Variants in CACNG3 observed in about 807,000 individuals in gnomAD.
CACNG3 encodes the protein voltage-dependent calcium channel gamma-3 subunit.
Under a neutral mutation model 28.5 loss-of-function variants are expected in CACNG3, and 3 were observed. That is an observed-to-expected ratio of 0.11 (90% CI 0.05 to 0.27). The LOEUF (loss-of-function observed/expected upper bound fraction) is 0.27. CACNG3 is among the 10% of genes least tolerant of loss of function. CACNG3 has a pLI of 1.00. For synonymous variants in CACNG3, 174 were observed against 162.2 expected (o/e 1.07, Z -0.55); for missense variants, 236 against 414.4 (o/e 0.57, Z 3.74).
intron 1 of CACNG3, among the ~76,000 whole-genome samples, chr16:24,325,856 G>A (rs1217258534): frequency 2.0e-5 from 3 of 152,224 alleles, no homozygotes; most frequent in Admixed American, 6.5e-5. Context: ...CTCTCAGTTT[G>A]TGAGGACTCT....
At chr16:24,318,514 T>G (rs1899417233) in intron 1 of CACNG3, among the ~76,000 whole-genome samples, 1 of 152,166 alleles carries the variant, frequency 6.6e-6, no homozygotes, top group Admixed American at 6.5e-5. Flanking sequence ...TTCGAATGAA[T>G]GAATGAAAAA....
At chr16:24,319,608 A>ATTT (rs76665500) in intron 1 of CACNG3, among the ~76,000 whole-genome samples, 1,578 of 53,264 alleles carry the variant, frequency 0.03, 6 homozygotes, top group African/African-American at 0.037. Context: ...TTATTTATTT[A>ATTT]TTTATTTAAT....
chr16:24,288,105 T>G (rs771103389), intron 1 of CACNG3, among the ~76,000 whole-genome samples: 24 of 152,196 alleles, frequency 1.6e-4, no homozygotes, highest in Admixed American at 5.2e-4. Flanking sequence ...ATAGGCGTAA[T>G]TATTCCCATT....
At chr16:24,359,475 G>A (rs534998324) in intron 3 of CACNG3, among the ~76,000 whole-genome samples, 1 of 152,216 alleles carries the variant, frequency 6.6e-6, no homozygotes, top group Non-Finnish European at 1.5e-5. Context: ...TGTCTGTGCT[G>A]GGTACAGCCA....
chr16:24,281,888 C>G (rs1000869813), intron 1 of CACNG3, among the ~76,000 whole-genome samples: 4 of 152,138 alleles, frequency 2.6e-5, no homozygotes, highest in African/African-American at 7.2e-5. Context: ...TGCCCAGGAC[C>G]GACAGCCAGT....
intron 1 of CACNG3, among the ~76,000 whole-genome samples, chr16:24,280,284 A>C (rs907661880): frequency 1.1e-4 from 16 of 152,148 alleles, no homozygotes; most frequent in Non-Finnish European, 2.2e-4. Context: ...ATAAATGGTG[A>C]CCTTTAGAAT....
At chr16:24,336,017 T>C (rs1406486201) in intron 1 of CACNG3, among the ~76,000 whole-genome samples, 2 of 151,636 alleles carry the variant, frequency 1.3e-5, no homozygotes, top group South Asian at 2.1e-4. Context: ...AATAAATACT[T>C]TTAGAAAAGG....
chr16:24,256,730 G>A lies in CACNG3; in HGVS notation c.-25G>A. The A allele has an allele frequency of 6.5e-7, 1 of 1,536,286 alleles. No individual in the cohort carries two copies. Among genetic ancestry groups the A allele is most frequent in the Admixed American group, 1.7e-5 (1 of 59,938 alleles). ...ACTGACTCTCCCCCTCCAACCCCCA[G>A]CCGTCCAGAGTACCATGAAGAATTA... On this transcript the variant is annotated 5_prime_UTR_variant, in exon 1 of 4. Transcript: ENST00000005284. The surrounding 1 kb of genome is among the most constrained non-coding windows in gnomAD (Gnocchi z 4.6).
At chr16:24,289,099 G>T (rs897338697) in intron 1 of CACNG3, among the ~76,000 whole-genome samples, 1 of 152,080 alleles carries the variant, frequency 6.6e-6, no homozygotes, top group Admixed American at 6.5e-5. Flanking sequence ...TAAGGAAACC[G>T]CATGTCTACA....
intron 3 of CACNG3, 81 bp downstream of exon 3, chr16:24,355,054 A>G: frequency 7.2e-7 from 1 of 1,385,024 alleles, no homozygotes; most frequent in Non-Finnish European, 1.0e-6. Context: ...AATGCTACTC[A>G]GGGCTCCCTC....
intron 3 of CACNG3, among the ~76,000 whole-genome samples, chr16:24,359,981 C>T (rs565425949): frequency 1.3e-5 from 2 of 152,214 alleles, no homozygotes; most frequent in African/African-American, 4.8e-5. Flanking sequence ...AAGCTTTAAC[C>T]CTTTGGTTGC....
At chr16:24,345,534 T>C (rs188393862) in intron 1 of CACNG3, among the ~76,000 whole-genome samples, 25 of 151,958 alleles carry the variant, frequency 1.6e-4, no homozygotes, top group East Asian at 3.9e-4. Context: ...AACCCATCTC[T>C]CCTAAAAATA....
At chr16:24,266,824 CCTT>C (rs1281122127) in intron 1 of CACNG3, among the ~76,000 whole-genome samples, 5 of 152,150 alleles carry the variant, frequency 3.3e-5, no homozygotes, top group African/African-American at 9.7e-5. Flanking sequence ...GCAAGTCTGC[CCTT>C]CTTCCTGGGA....
intron 1 of CACNG3, among the ~76,000 whole-genome samples, chr16:24,296,602 T>C (rs1243934339): frequency 1.3e-5 from 2 of 152,198 alleles, no homozygotes; most frequent in Non-Finnish European, 2.9e-5. Context: ...CGTAATACTT[T>C]CTTCCCCCTC....
At chr16:24,276,286 T>C (rs1167451230) in intron 1 of CACNG3, among the ~76,000 whole-genome samples, 2 of 152,258 alleles carry the variant, frequency 1.3e-5, no homozygotes, top group African/African-American at 4.8e-5. Flanking sequence ...ATTGAATTTA[T>C]CATTATTTTC....
chr16:24,313,905 T>C (rs1417883300), intron 1 of CACNG3, among the ~76,000 whole-genome samples: 1 of 151,902 alleles, frequency 6.6e-6, no homozygotes, highest in Non-Finnish European at 1.5e-5. Context: ...CCACCACACC[T>C]GGCTAATTTT....
Position 24,256,828 on chromosome 16 carries a change from C to G in CACNG3, c.74C>G (p.Thr25Ser). 1 of 1,613,622 alleles carries G rather than the reference C, an allele frequency of 6.2e-7. No individual in the cohort carries two copies. The highest frequency in any genetic ancestry group is 8.5e-7 in the Non-Finnish European group (1 of 1,179,530). Residue 25 changes from threonine to serine, a missense_variant, in exon 1 of 4, where the codon ACC becomes AGC. Thr to Ser is a moderately conservative substitution (Grantham distance 58, BLOSUM62 1). This residue lies in a region of CACNG3 where 120 missense variants were observed against 263.4 expected (regional missense o/e 0.46). Transcript: ENST00000005284. This position sits in a 1 kb window ranked among gnomAD's most constrained non-coding sequence, Gnocchi z 4.6. ...VGAFAAFSLM[T>S]IAVGTDYWLY... is the part of the protein sequence containing the mutation. ...GCCTTTGCCGCTTTTAGTTTAATGA[C>G]CATTGCAGTGGGCACGGACTACTGG...
At position 24,361,896 on chromosome 16, in the gene CACNG3, C is replaced by T. The variant is rs770088454; in HGVS notation, c.*33C>T. The T allele has an allele frequency of 6.4e-7, 1 of 1,570,470 alleles. No individual in the cohort carries two copies. Among genetic ancestry groups the T allele is most frequent in the East Asian group, 2.2e-5 (1 of 44,676 alleles). ...TCTGACCTCTGCCCCACGCCCAGCA[C>T]AGCCTTGGGGGAAGTGTACAGAGAT... On this transcript the variant is annotated 3_prime_UTR_variant, in exon 4 of 4. Transcript: ENST00000005284. This position sits in a 1 kb window ranked among gnomAD's most constrained non-coding sequence, Gnocchi z 6.8.
Position 24,345,625 on chromosome 16 carries a change from G to A in CACNG3, c.212-1109G>A, listed in dbSNP as rs192836590. Among the ~76,000 whole-genome samples, 156 of 152,294 alleles carry A rather than the reference G, an allele frequency of 1.0e-3. 1 individual carries two copies. Among genetic ancestry groups the A allele is most frequent in the African/African-American group, 3.3e-3 (136 of 41,554 alleles). ...TGAGGCAGGATAATCTCTTGAACCC[G>A]GGAGGCAGAGGTTGCAGTGAGCCGA... On this transcript the variant is annotated intron_variant, in intron 1 of 3. Coordinates refer to ENST00000005284, the MANE Select transcript of CACNG3 (RefSeq NM_006539.4).
Sources: allele counts gnomAD v4.1 joint callset (sites outside exome capture counted in the v4.1 genomes callset), GRCh38; gene constraint gnomAD v4.1.1; regional missense constraint gnomAD v4.1.1; non-coding constraint Gnocchi (gnomAD v3.1); transcripts MANE v1.5; gene names NCBI Gene and HGNC (gene_info 2026-07-23, HGNC 2026-07-21).